The following DCHS1 variants were observed in gnomAD, a reference collection of about 807,000 sequenced individuals.
The protein encoded by DCHS1 is dachsous cadherin-related 1, also known as protocadherin-16.
DCHS1 carries 78 observed loss-of-function variants against 213.9 expected under a neutral mutation model. That is an observed-to-expected ratio of 0.36 (90% CI 0.30 to 0.44). DCHS1 has a LOEUF of 0.44. Ranked by LOEUF, DCHS1 falls within the 20% of genes least tolerant of loss-of-function variation. The pLI is 1.00. For synonymous variants in DCHS1, 1,828 were observed against 1,873.7 expected (o/e 0.98, Z 0.63); for missense variants, 3,946 against 4,395.9 (o/e 0.90, Z 2.89).
At position 6,630,272 on chromosome 11, in the gene DCHS1, C is replaced by A; in HGVS notation, c.4522G>T (p.Ala1508Ser). ...PRGLDRETTPALLLLVEATDR... is the reference protein window; with the variant it reads ...PRGLDRETTPSLLLLVEATDR... The stretch of plus-strand genomic sequence containing the variant: ...GTGGCTTCCACCAGCAGCAGCAGCG[C>A]GGGAGTGGTCTCTCGGTCCAGGCCG... The change falls in exon 10 of 21, where the codon GCG (alanine) becomes TCG (serine). Residue 1508 changes from alanine to serine, a missense_variant. Coordinates refer to ENST00000299441, the MANE Select transcript of DCHS1 (RefSeq NM_003737.4). 1 of 1,531,844 alleles carries A rather than the reference C, an allele frequency of 6.5e-7. No homozygotes were observed. Among genetic ancestry groups the A allele is most frequent in the Non-Finnish European group, 8.8e-7 (1 of 1,142,536 alleles). 94.9% of individuals were successfully genotyped at this position (1,531,844 alleles called of 1,614,324 possible).
Position 6,623,344 on chromosome 11 carries a change from T to C in DCHS1, c.8332A>G (p.Thr2778Ala). Reference sequence around the variant, plus strand: ...CCCACCAGCAGCCGGAAGCTTTCTGTGTGCTCATAGTCAAAGGGCACTCGC... The same window carrying C: ...CCCACCAGCAGCCGGAAGCTTTCTGCGTGCTCATAGTCAAAGGGCACTCGC... ...RARVPFDYEH[T>A]ESFRLLVGAA... The change falls in exon 21 of 21, where the codon ACA (threonine) becomes GCA (alanine). Residue 2778 changes from threonine to alanine, a missense_variant. Thr to Ala is a moderately conservative substitution (Grantham distance 58). Coordinates refer to ENST00000299441, the MANE Select transcript of DCHS1 (RefSeq NM_003737.4). 6.3e-7 allele frequency: 1 copy of C among 1,596,464 alleles called. No individual in the cohort carries two copies.
rs755284630 is a variant in DCHS1 at position 6,622,274 on chromosome 11, G to T, written c.9402C>A (p.Gly3134=). ...CACATGGCTTGCCATCTGCTGGGAAGCCATAGTCCCCAGTGGGTGCAGGGC... is the reference window on the plus strand; with the variant it reads ...CACATGGCTTGCCATCTGCTGGGAATCCATAGTCCCCAGTGGGTGCAGGGC... ...GLSPAPTGDY[G]FPADGKPCVA... is the part of the protein sequence containing the mutation. Residue 3134 remains glycine, a synonymous_variant, in exon 21 of 21, where the codon GGC becomes GGA. Coordinates refer to ENST00000299441, the MANE Select transcript of DCHS1 (RefSeq NM_003737.4). This position sits in a 1 kb window ranked among gnomAD's most constrained non-coding sequence, Gnocchi z 5.4. 3 of 1,606,380 alleles carry T rather than the reference G, an allele frequency of 1.9e-6. No individual in the cohort carries two copies. The highest frequency in any genetic ancestry group is 2.5e-6 in the Non-Finnish European group (3 of 1,177,244).
At position 6,622,083 on chromosome 11, in the gene DCHS1, C is replaced by T. The variant is rs139629352; in HGVS notation, c.9593G>A (p.Arg3198His). Reference protein sequence around the residue: ...DEARPCPPAPRIDPPPLITAV... With the variant: ...DEARPCPPAPHIDPPPLITAV... ...AGTGATGAGGGGTGGTGGGTCGATA[C>T]GGGGAGCTGGGGGACATGGCCGAGC... The change falls in exon 21 of 21, where the codon CGT (arginine) becomes CAT (histidine). Residue 3198 changes from arginine (R) to histidine (H), a missense_variant. Arg to His is a conservative substitution (Grantham distance 29). Around this residue, in one of 3 missense-constraint regions of DCHS1, gnomAD observed 554 missense variants for 590.2 expected, o/e 0.94. Coordinates refer to ENST00000299441, the MANE Select transcript of DCHS1 (RefSeq NM_003737.4). The surrounding 1 kb of genome is among the most constrained non-coding windows in gnomAD (Gnocchi z 5.4). 64 of 1,611,202 alleles carry T rather than the reference C, an allele frequency of 4.0e-5. No individual in the cohort carries two copies. Among genetic ancestry groups the T allele is most frequent in the African/African-American group, 1.3e-4 (10 of 74,336 alleles).
chr11:6,629,322 CA>C, intron 12 of DCHS1, 129 bp downstream of exon 12: 1 of 1,354,440 alleles, frequency 7.4e-7, no homozygotes, highest in Non-Finnish European at 9.9e-7. Flanking sequence ...CAAAAGGGTC[CA>C]AAAACATAAC....
intron 1 of DCHS1, among the ~76,000 whole-genome samples, chr11:6,646,659 G>A (rs1401145886): frequency 6.6e-6 from 1 of 152,092 alleles, no homozygotes; most frequent in Non-Finnish European, 1.5e-5. Flanking sequence ...CTTGCTACGT[G>A]CCCTCACTCT....
chr11:6,632,811 C>T lies in DCHS1; in HGVS notation c.2701G>A (p.Val901Ile), dbSNP rs1175436565. The T allele has an allele frequency of 4.3e-6, 7 of 1,613,968 alleles. No homozygotes were observed. The highest frequency in any genetic ancestry group is 5.9e-6 in the Non-Finnish European group (7 of 1,179,860). The change falls in exon 6 of 21, where the codon GTA becomes ATA. Residue 901 changes from valine (V) to isoleucine (I), a missense_variant. By Grantham distance (29) the Val-to-Ile change is conservative. Transcript: ENST00000299441. The surrounding 1 kb of genome is among the most constrained non-coding windows in gnomAD (Gnocchi z 5.9). ...GGGGCAGTGTTTGGTGGTAGCAATA[C>T]CGTGTCTTCAGGTGCAGGAAAGGCA... ...SPAFPAPEDT[V>I]LLPPNTAPGT...
intron 1 of DCHS1, among the ~76,000 whole-genome samples, chr11:6,642,122 AC>A (rs1856086731): frequency 6.6e-6 from 1 of 152,060 alleles, no homozygotes; most frequent in African/African-American, 2.4e-5. Context: ...TGAACCGTCA[AC>A]CTTTTCCTCT....
In DCHS1 at chr11:6,655,743, G is replaced by C. The variant is rs1157404559; in HGVS notation, c.-301C>G. ...GTCCGCGCGCCCTTGGCCGTCGATC[G>C]GTCCGTCCGCTGACGCCCGGGCGCC... On this transcript the variant is annotated 5_prime_UTR_variant, in exon 1 of 21. Transcript: ENST00000299441. The C allele has an allele frequency of 4.1e-6, 4 of 980,230 alleles. No homozygotes were observed. Among genetic ancestry groups the C allele is most frequent in the Non-Finnish European group, 4.8e-6 (4 of 827,854 alleles). The allele number at this position is 980,230 out of a possible 1,614,324, so 60.7% of individuals were successfully genotyped here.
At chr11:6,649,238 G>A (rs1856210237) in intron 1 of DCHS1, among the ~76,000 whole-genome samples, 1 of 151,348 alleles carries the variant, frequency 6.6e-6, no homozygotes, top group East Asian at 1.9e-4. Context: ...TCCAAAGCTA[G>A]TGCTTTCTGT....
In DCHS1 at chr11:6,624,176, A is replaced by C. The variant is rs1050764556; in HGVS notation, c.7500T>G (p.Thr2500=). 5.0e-6 allele frequency: 8 copies of C among 1,613,104 alleles called. No individual in the cohort carries two copies. The African/African-American group carries it at 1.1e-4, about 22-fold the overall frequency. ...AVTEDLPPGS[T]LLTLEATDAD... is the part of the protein sequence containing the mutation. ...CATCTGTAGCCTCCAGGGTGAGCAGAGTGGAGCCAGGGGGCAGGTCTTCAG... is the reference window on the plus strand; with the variant it reads ...CATCTGTAGCCTCCAGGGTGAGCAGCGTGGAGCCAGGGGGCAGGTCTTCAG... The change falls in exon 21 of 21, where the codon ACT becomes ACG. Residue 2500 remains threonine, a synonymous_variant. Coordinates refer to ENST00000299441, the MANE Select transcript of DCHS1 (RefSeq NM_003737.4).
chr11:6,637,261 T>C (rs1378327849), intron 2 of DCHS1, among the ~76,000 whole-genome samples: 2 of 152,306 alleles, frequency 1.3e-5, no homozygotes, highest in African/African-American at 2.4e-5. Flanking sequence ...TAATGCTTTA[T>C]TATGGGAGCT....
Position 6,622,207 on chromosome 11 carries a change from GCTC to G in DCHS1, c.9466_9468del (p.Glu3156del). The G allele has an allele frequency of 6.2e-7, 1 of 1,602,104 alleles. No individual in the cohort carries two copies. The highest frequency in any genetic ancestry group is 8.5e-7 in the Non-Finnish European group (1 of 1,176,332). On this transcript the variant is annotated inframe_deletion, in exon 21 of 21. Transcript: ENST00000299441. This position sits in a 1 kb window ranked among gnomAD's most constrained non-coding sequence, Gnocchi z 5.4. Reference sequence around the variant, plus strand: ...TAGTCCCAGTTATAGCTGCCACGGAGCTCCTCCTCGCCGGCCACAATGGCTGTC... The same window carrying G: ...TAGTCCCAGTTATAGCTGCCACGGAGCTCCTCGCCGGCCACAATGGCTGTC...
chr11:6,648,410 G>A (rs933246367), intron 1 of DCHS1, among the ~76,000 whole-genome samples: 1 of 152,218 alleles, frequency 6.6e-6, no homozygotes, highest in Non-Finnish European at 1.5e-5. Flanking sequence ...ATTCAAGTAA[G>A]ATAAGGGCTG....
rs753295688 is a variant in DCHS1, at chr11:6,622,856, G to A, written c.8820C>T (p.Ala2940=). ...CCACAACTCCCAAGGAGGCTGCCAC[G>A]GCCCCTACTAATAGCAGGTTGAGGT... ...APDLNLLLVG[A]VAASLGVVVV... Residue 2940 remains alanine, a synonymous_variant, in exon 21 of 21, where the codon GCC becomes GCT. Transcript: ENST00000299441. The surrounding 1 kb of genome is among the most constrained non-coding windows in gnomAD (Gnocchi z 5.4). 28 of 1,596,016 alleles carry A rather than the reference G, an allele frequency of 1.8e-5. No individual in the cohort carries two copies. In the South Asian group the frequency reaches 1.8e-4, roughly 10 times the overall value.
In DCHS1 at chr11:6,623,065, G is replaced by A. The variant is rs143017017; in HGVS notation, c.8611C>T (p.Arg2871Trp). ...CTGCCTGGTGCCCGACTGTCCACCC[G>A]CAGGTACAGGGCTCCTGTAGTCTGG... is the stretch of plus-strand genomic sequence containing the variant. ...INQTTGALYL[R>W]VDSRAPGSGT... Residue 2871 changes from arginine (R) to tryptophan (W), a missense_variant, in exon 21 of 21, where the codon CGG (arginine) becomes TGG (tryptophan). Around this residue, in one of 3 missense-constraint regions of DCHS1, gnomAD observed 554 missense variants for 590.2 expected, o/e 0.94. Transcript: ENST00000299441. 161 of 1,585,970 alleles carry A rather than the reference G, an allele frequency of 1.0e-4. No individual in the cohort carries two copies. The African/African-American group carries it at 1.6e-3, about 16-fold the overall frequency.
Position 6,629,808 on chromosome 11 carries a change from C to T in DCHS1, c.4899G>A (p.Gln1633=). 6.2e-7 allele frequency: 1 copy of T among 1,613,440 alleles called. No individual in the cohort carries two copies. The highest frequency in any genetic ancestry group is 8.5e-7 in the Non-Finnish European group (1 of 1,179,908). The stretch of plus-strand genomic sequence containing the variant: ...CGTCAGCGACACTGACGGTCAGGAC[C>T]TGCGTGGCCGAGCGCGGCGGGGAGC... The part of the protein sequence containing the change: ...DHGSPPRSAT[Q]VLTVSVADVN... Residue 1633 remains glutamine, a synonymous_variant, in exon 11 of 21, where the codon CAG becomes CAA. Coordinates refer to ENST00000299441, the MANE Select transcript of DCHS1 (RefSeq NM_003737.4).
intron 1 of DCHS1, among the ~76,000 whole-genome samples, chr11:6,652,476 G>A (rs1338975718): frequency 6.6e-6 from 1 of 152,188 alleles, no homozygotes; most frequent in Non-Finnish European, 1.5e-5. Context: ...GGTATTACAG[G>A]GTTAAAGAAA....
At chr11:6,645,329 C>T (rs995783793) in intron 1 of DCHS1, among the ~76,000 whole-genome samples, 1 of 152,092 alleles carries the variant, frequency 6.6e-6, no homozygotes, top group African/African-American at 2.4e-5. Flanking sequence ...GTTCCAGGGC[C>T]CAGATCAGGG....
At position 6,641,556 on chromosome 11, in the gene DCHS1, G is replaced by T; in HGVS notation, c.58C>A (p.His20Asn). 6.4e-7 allele frequency: 1 copy of T among 1,551,184 alleles called. No individual in the cohort carries two copies. Among genetic ancestry groups the T allele is most frequent in the Non-Finnish European group, 8.7e-7 (1 of 1,147,332 alleles). Residue 20 changes from histidine (H) to asparagine (N), a missense_variant, in exon 2 of 21, where the codon CAC becomes AAC. By Grantham distance (68) the His-to-Asn change is moderately conservative. Around this residue, in one of 3 missense-constraint regions of DCHS1, gnomAD observed 3,384 missense variants for 3,780.1 expected, o/e 0.90. Transcript: ENST00000299441. The surrounding 1 kb of genome is among the most constrained non-coding windows in gnomAD (Gnocchi z 7.1). ...SCPGMKSPRP[H>N]LLLPLLLLLL... ...AGCAGCAGCAATGGTAGCAGGAGGT[G>T]GGGCCTGGGGCTCTTCATGCCAGGG...
Sources: allele counts gnomAD v4.1 joint callset (sites outside exome capture counted in the v4.1 genomes callset), GRCh38; gene constraint gnomAD v4.1.1; regional missense constraint gnomAD v4.1.1; non-coding constraint Gnocchi (gnomAD v3.1); transcripts MANE v1.5; gene names NCBI Gene and HGNC (gene_info 2026-07-23, HGNC 2026-07-21).